The following NFAM1 variants were observed in gnomAD, a reference collection of about 807,000 sequenced individuals.
NFAM1 encodes NFAT activating protein with ITAM motif 1, also known as NFAT activation molecule 1.
In NFAM1, 17 loss-of-function variants were observed where a neutral mutation model predicts 29.0. The observed-to-expected ratio is 0.59, with a 90% CI of 0.40 to 0.88. The LOEUF (loss-of-function observed/expected upper bound fraction) is 0.88, where lower values mean the gene tolerates loss of function less well. NFAM1 is among the 40% of genes least tolerant of loss of function. NFAM1 has a pLI of 0.00. For synonymous variants in NFAM1, 175 were observed against 147.2 expected, an observed-to-expected ratio of 1.19 and a Z score of -1.36; for missense variants, 324 against 344.6, an observed-to-expected ratio of 0.94 and a Z score of 0.47.
intron 3 of NFAM1, among the ~76,000 whole-genome samples, chr22:42,405,332 T>G (rs548684630): frequency 2.0e-5 from 3 of 152,202 alleles, no homozygotes; most frequent in African/African-American, 4.8e-5. Flanking sequence ...GTCACTCCTG[T>G]AAGCCTGGGT....
chr22:42,413,273 C>T (rs1172192540), intron 1 of NFAM1, among the ~76,000 whole-genome samples: 1 of 152,158 alleles, frequency 6.6e-6, no homozygotes, highest in Non-Finnish European at 1.5e-5. Context: ...TGGGCCCTGC[C>T]TGTGGTGTGG....
Position 42,419,050 on chromosome 22 carries a change from G to A in NFAM1, c.122-7314C>T, listed in dbSNP as rs1601756871. Among the ~76,000 whole-genome samples the A allele has an allele frequency of 6.6e-6, 1 of 152,322 alleles. No homozygotes were observed. Among genetic ancestry groups the A allele is most frequent in the East Asian group, 1.9e-4 (1 of 5,180 alleles). On this transcript the variant is annotated intron_variant, in intron 1 of 5. Coordinates refer to ENST00000329021, the MANE Select transcript of NFAM1 (RefSeq NM_145912.8). This position sits in a 1 kb window ranked among gnomAD's most constrained non-coding sequence, Gnocchi z 4.5. Reference sequence around the variant, plus strand: ...GTGGCTGCTTGAACTTGGAGTTTGAGAGCTGGGCGGAGTTGCTATCCTCCC... The same window carrying A: ...GTGGCTGCTTGAACTTGGAGTTTGAAAGCTGGGCGGAGTTGCTATCCTCCC...
chr22:42,398,437 G>T (rs1484199778), intron 3 of NFAM1, among the ~76,000 whole-genome samples: 1 of 144,604 alleles, frequency 6.9e-6, no homozygotes, highest in Non-Finnish European at 1.5e-5. Flanking sequence ...ATTTGAGATG[G>T]AGTCTCACTC....
chr22:42,416,550 G>A (rs546174083), intron 1 of NFAM1, among the ~76,000 whole-genome samples: 2 of 152,314 alleles, frequency 1.3e-5, no homozygotes, highest in South Asian at 2.1e-4. Flanking sequence ...ACCACCAGAT[G>A]GCCAACAAGT....
intron 1 of NFAM1, among the ~76,000 whole-genome samples, chr22:42,420,570 A>G (rs1930413497): frequency 6.6e-6 from 1 of 152,106 alleles, no homozygotes; most frequent in Non-Finnish European, 1.5e-5. Context: ...GTTCAAGACC[A>G]GCCTGGCCAA....
At chr22:42,431,344 G>A (rs1930790411) in intron 1 of NFAM1, among the ~76,000 whole-genome samples, 1 of 152,158 alleles carries the variant, frequency 6.6e-6, no homozygotes, top group African/African-American at 2.4e-5. Context: ...AGCAGGACAG[G>A]GTGGGGGCAG....
At chr22:42,437,310 G>A (rs1930965491), upstream of NFAM1, among the ~76,000 whole-genome samples, 1 of 151,830 alleles carries the variant, frequency 6.6e-6, no homozygotes, top group Non-Finnish European at 1.5e-5. Flanking sequence ...ACCCGGCTAT[G>A]TTTGTATTTT....
rs531302153 is a variant in NFAM1, at chr22:42,432,204, G to A, written c.121+33C>T. On this transcript the variant is annotated intron_variant, in intron 1 of 5. Coordinates refer to ENST00000329021, the MANE Select transcript of NFAM1 (RefSeq NM_145912.8). ...AAGCCGCTCTGATGTTCTGGAGCGA[G>A]AGAGTAGAGAGAAGGAGGAAGACAG... 37 of 1,544,766 alleles carry A rather than the reference G, an allele frequency of 2.4e-5. No individual in the cohort carries two copies. The South Asian group carries it at 4.0e-4, about 17-fold the overall frequency.
At chr22:42,396,981 C>G (rs539365288) in intron 4 of NFAM1, among the ~76,000 whole-genome samples, 1 of 134,356 alleles carries the variant, frequency 7.4e-6, no homozygotes, top group Admixed American at 7.4e-5. Context: ...CCTGCAGGGC[C>G]CCAGAAGGGC....
chr22:42,391,733 T>C (rs1277195780), intron 4 of NFAM1, among the ~76,000 whole-genome samples: 1 of 151,596 alleles, frequency 6.6e-6, no homozygotes, highest in Non-Finnish European at 1.5e-5. Context: ...TCATTTGAGG[T>C]CAGGAGTTCG....
chr22:42,398,278 G>A (rs1023818488), intron 3 of NFAM1, among the ~76,000 whole-genome samples: 5 of 152,198 alleles, frequency 3.3e-5, no homozygotes, highest in Non-Finnish European at 7.3e-5. Flanking sequence ...CAGCAGCCAT[G>A]GGTGGGCCCC....
chr22:42,416,770 G>A (rs76599000), intron 1 of NFAM1, among the ~76,000 whole-genome samples: 340 of 152,340 alleles, frequency 2.2e-3, no homozygotes, highest in Non-Finnish European at 3.8e-3. Flanking sequence ...ATGCCAGGGC[G>A]TGGTGTGGCT....
At chr22:42,389,956 G>A (rs936696793) in intron 4 of NFAM1, among the ~76,000 whole-genome samples, 1 of 152,148 alleles carries the variant, frequency 6.6e-6, no homozygotes, top group Admixed American at 6.5e-5. Context: ...AACACACTCC[G>A]TGGAGAAGCA....
intron 1 of NFAM1, among the ~76,000 whole-genome samples, chr22:42,428,707 C>CCTCTG (rs1930704746): frequency 6.6e-6 from 1 of 152,168 alleles, no homozygotes; most frequent in Admixed American, 6.5e-5. Context: ...TGCCTAGAAC[C>CCTCTG]GGTCCTTTTC....
At chr22:42,387,119 G>A in intron 4 of NFAM1, 41 bp from the exon 5 acceptor site, 4 of 1,210,446 alleles carry the variant, frequency 3.3e-6, no homozygotes, top group Non-Finnish European at 4.8e-6. Flanking sequence ...CAAGTGTGTA[G>A]AGGGGCAGTC....
chr22:42,391,324 C>T (rs1929333539), intron 4 of NFAM1, among the ~76,000 whole-genome samples: 1 of 139,538 alleles, frequency 7.2e-6, no homozygotes, highest in African/African-American at 2.7e-5. Flanking sequence ...TCATTGGCTA[C>T]TGCCAGGTGA....
chr22:42,386,558 C>T (rs1929153210), intron 5 of NFAM1, among the ~76,000 whole-genome samples: 1 of 152,164 alleles, frequency 6.6e-6, no homozygotes, highest in African/African-American at 2.4e-5. Context: ...AGACTTTAGC[C>T]AACACCAACC....
In NFAM1 at chr22:42,388,364, T is replaced by A. The variant is rs1358655170; in HGVS notation, c.664-1286A>T. 6.6e-6 allele frequency among the ~76,000 whole-genome samples: 1 copy of A among 152,176 alleles called. No individual in the cohort carries two copies. Among genetic ancestry groups the A allele is most frequent in the Non-Finnish European group, 1.5e-5 (1 of 68,032 alleles). On this transcript the variant is annotated intron_variant, in intron 4 of 5. Coordinates refer to ENST00000329021, the MANE Select transcript of NFAM1 (RefSeq NM_145912.8). The surrounding 1 kb of genome is among the most constrained non-coding windows in gnomAD (Gnocchi z 4.1). Reference sequence around the variant, plus strand: ...CACACACAGTCAGGGAAGTAGTAGGTGCTTAATAAACTGCTGTTGAATGGT... The same window carrying A: ...CACACACAGTCAGGGAAGTAGTAGGAGCTTAATAAACTGCTGTTGAATGGT...
the NFAM1 span, among the ~76,000 whole-genome samples, chr22:42,437,529 A>G: frequency 9.2e-5 from 14 of 152,176 alleles, no homozygotes; most frequent in East Asian, 1.9e-3. Context: ...CCTGAAAGAG[A>G]CGAGCACAGA....
Sources: gnomAD v4.1 joint callset for allele counts (sites outside exome capture counted in the v4.1 genomes callset) on GRCh38, gnomAD v4.1.1 for gene constraint, Gnocchi (gnomAD v3.1) non-coding constraint, MANE v1.5 for transcripts, NCBI Gene and HGNC (gene_info 2026-07-23, HGNC 2026-07-21) for gene names.